FUT8: variants seen among roughly 807,000 people sequenced by gnomAD.
FUT8 encodes fucosyltransferase 8, also known as alpha-(1,6)-fucosyltransferase.
In FUT8, 29 loss-of-function variants were observed where a neutral mutation model predicts 71.3. That is an observed-to-expected ratio of 0.41 (90% CI 0.30 to 0.55). The LOEUF (loss-of-function observed/expected upper bound fraction) is 0.55. FUT8 is among the 20% of genes least tolerant of loss of function. The probability of loss-of-function intolerance (pLI) is 0.34; values close to 1 mark genes in which losing one functional copy is unlikely to be tolerated. For missense variants in FUT8, 544 were observed against 702.1 expected, an observed-to-expected ratio of 0.77 and a Z score of 2.55; for synonymous variants, 254 against 239.3, an observed-to-expected ratio of 1.06 and a Z score of -0.57.
chr14:65,696,630 G>C (rs1054558038), intron 7 of FUT8, among the ~76,000 whole-genome samples: 1 of 151,794 alleles, frequency 6.6e-6, no homozygotes, highest in Non-Finnish European at 1.5e-5. Flanking sequence ...CATTAATTTT[G>C]GAAAATTCTC....
chr14:65,618,654 T>C (rs145910342), intron 5 of FUT8, among the ~76,000 whole-genome samples: 1 of 152,340 alleles, frequency 6.6e-6, no homozygotes, highest in African/African-American at 2.4e-5. Flanking sequence ...ATATACCCTT[T>C]TACTGACCAT....
the FUT8 span, among the ~76,000 whole-genome samples, chr14:65,365,003 T>C: frequency 6.6e-6 from 1 of 152,324 alleles, no homozygotes; most frequent in East Asian, 1.9e-4. Flanking sequence ...GTGTACCTTT[T>C]GAAGTTTTGA....
At chr14:65,473,327 G>A (rs532714814) in intron 2 of FUT8, among the ~76,000 whole-genome samples, 1 of 152,016 alleles carries the variant, frequency 6.6e-6, no homozygotes, top group Non-Finnish European at 1.5e-5. Context: ...CTCTCTCTCT[G>A]TTTCTCTTTT....
intron 2 of FUT8, among the ~76,000 whole-genome samples, chr14:65,478,334 C>G (rs1473622151): frequency 3.9e-5 from 6 of 152,134 alleles, no homozygotes; most frequent in Non-Finnish European, 8.8e-5. Context: ...CCAAAACGTT[C>G]CAAAATCTGA....
At chr14:65,427,185 G>T (rs538269504) in intron 1 of FUT8, among the ~76,000 whole-genome samples, 1 of 151,952 alleles carries the variant, frequency 6.6e-6, no homozygotes, top group Non-Finnish European at 1.5e-5. Flanking sequence ...TTCTTTACCC[G>T]TTTATCCATT....
intron 3 of FUT8, among the ~76,000 whole-genome samples, chr14:65,589,763 C>T (rs1324909140): frequency 1.3e-5 from 2 of 152,122 alleles, no homozygotes; most frequent in Admixed American, 1.3e-4. Context: ...TGTTTTGACT[C>T]AGACTGGTTC....
intron 1 of FUT8, among the ~76,000 whole-genome samples, chr14:65,452,302 T>G (rs535103396): frequency 1.4e-4 from 22 of 152,308 alleles, no homozygotes; most frequent in Non-Finnish European, 2.6e-4. Context: ...ATAGGGATGG[T>G]CTTTCCACCT....
intron 3 of FUT8, among the ~76,000 whole-genome samples, chr14:65,576,480 A>G (rs539247655): frequency 5.3e-5 from 8 of 151,920 alleles, no homozygotes; most frequent in Non-Finnish European, 1.0e-4. Flanking sequence ...AAATAGTAAT[A>G]TTATTCTTAG....
chr14:65,579,163 A>G (rs1242834463), intron 3 of FUT8, among the ~76,000 whole-genome samples: 2 of 151,984 alleles, frequency 1.3e-5, no homozygotes, highest in East Asian at 3.8e-4. Flanking sequence ...TCTGCAGGTC[A>G]GTGGCAGAAG....
At chr14:65,611,302 C>CACACACACACACACACA (rs1566851609) in intron 3 of FUT8, among the ~76,000 whole-genome samples, 2 of 38,478 alleles carry the variant, frequency 5.2e-5, no homozygotes, top group African/African-American at 3.0e-4. Flanking sequence ...CACACACACA[C>CACACACACACACACACA]CCCCCAAGTA....
rs373145240 is a variant in FUT8 at position 65,434,787 on chromosome 14, C to CT, written c.-325-20826dup. ...ATCTGGTAGTGAAAAGCCCCCCCAC[C>CT]TTTTTTTTCTTTTATCCCAATTTGG... On this transcript the variant is annotated intron_variant, in intron 1 of 10. Coordinates refer to ENST00000673929, the MANE Select transcript of FUT8 (RefSeq NM_001371533.1). 7.2e-5 allele frequency among the ~76,000 whole-genome samples: 11 copies of CT among 152,016 alleles called. No homozygotes were observed. In the South Asian group the frequency reaches 2.3e-3, roughly 32 times the overall value.
At chr14:65,387,890 G>C in the FUT8 span, among the ~76,000 whole-genome samples, 1,899 of 152,228 alleles carry the variant, frequency 0.012, 17 homozygotes, top group South Asian at 0.024. Flanking sequence ...AGTAGAAGTC[G>C]CACTTTTGGT....
intron 2 of FUT8, among the ~76,000 whole-genome samples, chr14:65,553,095 A>C (rs368466925): frequency 6.6e-6 from 1 of 152,188 alleles, no homozygotes; most frequent in African/African-American, 2.4e-5. Flanking sequence ...AGCTGGGACT[A>C]TAGGCGTGCA....
rs981264579 is a variant in FUT8 at position 65,483,715 on chromosome 14, A to G, written c.-228+27997A>G. Among the ~76,000 whole-genome samples, 10 of 151,684 alleles carry G rather than the reference A, an allele frequency of 6.6e-5. No homozygotes were observed. Among genetic ancestry groups the G allele is most frequent in the African/African-American group, 1.7e-4 (7 of 41,098 alleles). On this transcript the variant is annotated intron_variant, in intron 2 of 10. Coordinates refer to ENST00000673929, the MANE Select transcript of FUT8 (RefSeq NM_001371533.1). This position sits in a 1 kb window ranked among gnomAD's most constrained non-coding sequence, Gnocchi z 4.4. The stretch of plus-strand genomic sequence containing the variant: ...ATGCTTTTATAAATATTTAAATAAC[A>G]TATCAATTTTTTTTTTTTGAGACAG...
chr14:65,439,878 G>A (rs1170365107), intron 1 of FUT8, among the ~76,000 whole-genome samples: 1 of 147,232 alleles, frequency 6.8e-6, no homozygotes, highest in Non-Finnish European at 1.5e-5. Context: ...AGCATTATTT[G>A]CCATAGCTAA....
chr14:65,392,843 C>T, the FUT8 span, among the ~76,000 whole-genome samples: 6 of 152,194 alleles, frequency 3.9e-5, no homozygotes, highest in South Asian at 1.2e-3. Flanking sequence ...CCAGATTTAG[C>T]CAATAAAAAT....
chr14:65,398,116 A>G, the FUT8 span, among the ~76,000 whole-genome samples: 5 of 152,226 alleles, frequency 3.3e-5, no homozygotes, highest in African/African-American at 1.2e-4. Context: ...AGAACTGTAC[A>G]TATGGAAAAT....
In FUT8 at chr14:65,673,643, G is replaced by C. The variant is rs553489224; in HGVS notation, c.835+4163G>C. On this transcript the variant is annotated intron_variant, in intron 7 of 10. Transcript: ENST00000673929. ...GAACATGGAGTCACTGGGGGAACTA[G>C]TAGTAATTCATTGTAAAGCTTGAAT... is the stretch of plus-strand genomic sequence containing the variant. Among the ~76,000 whole-genome samples the C allele has an allele frequency of 5.0e-4, 76 of 152,308 alleles. 1 individual carries two copies. The highest frequency in any genetic ancestry group is 1.8e-3 in the African/African-American group (73 of 41,554).
At chr14:65,620,440 G>A (rs1450433252) in intron 5 of FUT8, among the ~76,000 whole-genome samples, 1 of 152,186 alleles carries the variant, frequency 6.6e-6, no homozygotes, top group Non-Finnish European at 1.5e-5. Context: ...AAAAGACATT[G>A]TGGGGGATTA....
Sources: gnomAD v4.1 joint callset for allele counts (sites outside exome capture counted in the v4.1 genomes callset) on GRCh38, gnomAD v4.1.1 for gene constraint, Gnocchi (gnomAD v3.1) non-coding constraint, MANE v1.5 for transcripts, NCBI Gene and HGNC (gene_info 2026-07-23, HGNC 2026-07-21) for gene names.